Variants in PKHD1L1 observed in about 807,000 individuals in gnomAD.
PKHD1L1 encodes fibrocystin-L.
A neutral mutation model predicts 462.9 loss-of-function variants in PKHD1L1; 434 were observed. The observed-to-expected ratio is 0.94, with a 90% CI of 0.87 to 1.02. The LOEUF (loss-of-function observed/expected upper bound fraction) is 1.02, where lower values mean the gene tolerates loss of function less well. PKHD1L1 is among the 50% of genes least tolerant of loss of function. PKHD1L1 has a pLI of 0.00. For synonymous variants in PKHD1L1, 1,781 were observed against 1,750.0 expected, an observed-to-expected ratio of 1.02 and a Z score of -0.44; for missense variants, 5,202 against 5,096.1, an observed-to-expected ratio of 1.02 and a Z score of -0.63.
intron 2 of PKHD1L1, among the ~76,000 whole-genome samples, chr8:109,366,638 G>A (rs1318686142): frequency 1.3e-5 from 2 of 151,552 alleles, no homozygotes; most frequent in African/African-American, 4.8e-5. Flanking sequence ...AAATAGAGCA[G>A]GAGGAAACTT....
chr8:109,438,478 T>C (rs976654004), intron 31 of PKHD1L1, 22 bp downstream of exon 31: 1 of 1,525,092 alleles, frequency 6.6e-7, no homozygotes, highest in Non-Finnish European at 8.8e-7. Context: ...TTCAATAAGA[T>C]TGGTCATTTG....
At chr8:109,425,752 T>A (rs774667093) in intron 24 of PKHD1L1, among the ~76,000 whole-genome samples, 1 of 152,098 alleles carries the variant, frequency 6.6e-6, no homozygotes, top group Non-Finnish European at 1.5e-5. Context: ...TTAAAAGTCA[T>A]CTATAATTGA....
At position 109,448,234 on chromosome 8, in the gene PKHD1L1, T is replaced by C. The variant is rs748370742; in HGVS notation, c.5868T>C (p.Asn1956=). 1.2e-6 allele frequency: 2 copies of C among 1,613,502 alleles called. No homozygotes were observed. Among genetic ancestry groups the C allele is most frequent in the Non-Finnish European group, 1.7e-6 (2 of 1,179,802 alleles). The change falls in exon 39 of 78, where the codon AAT becomes AAC. Residue 1956 remains asparagine (N), a synonymous_variant. Coordinates refer to ENST00000378402, the MANE Select transcript of PKHD1L1 (RefSeq NM_177531.6). ...TGATGATAAATAACATTCAGTGTAATGTAACCATGGCCAATGATAGTGTGG... is the reference window on the plus strand; with the variant it reads ...TGATGATAAATAACATTCAGTGTAACGTAACCATGGCCAATGATAGTGTGG... ...ISVMINNIQC[N]VTMANDSVVQ... is the part of the protein sequence containing the mutation.
chr8:109,475,006 C>G, intron 50 of PKHD1L1, 112 bp from the exon 51 acceptor site: 1 of 922,888 alleles, frequency 1.1e-6, no homozygotes, highest in Non-Finnish European at 1.6e-6. Flanking sequence ...TTTGCTAAAC[C>G]AACATTTGCT....
At position 109,504,111 on chromosome 8, in the gene PKHD1L1, C is replaced by T. The variant is rs1315709703; in HGVS notation, c.10829-216C>T. On this transcript the variant is annotated intron_variant, in intron 67 of 77. Coordinates refer to ENST00000378402, the MANE Select transcript of PKHD1L1 (RefSeq NM_177531.6). Reference sequence around the variant, plus strand: ...GCCAAACCAAGTTACATGGCCAAGCCCGGAGAAAATATGGGAGATCATTAC... The same window carrying T: ...GCCAAACCAAGTTACATGGCCAAGCTCGGAGAAAATATGGGAGATCATTAC... Among the ~76,000 whole-genome samples, 3 of 152,064 alleles carry T rather than the reference C, an allele frequency of 2.0e-5. No individual in the cohort carries two copies. The East Asian group carries it at 5.8e-4, about 29-fold the overall frequency.
intron 27 of PKHD1L1, among the ~76,000 whole-genome samples, chr8:109,430,641 G>A (rs1335604506): frequency 6.6e-6 from 1 of 151,930 alleles, no homozygotes; most frequent in Non-Finnish European, 1.5e-5. Flanking sequence ...CAGGAATCAG[G>A]ATAGTAAGGG....
Position 109,522,856 on chromosome 8 carries a change from C to T in PKHD1L1, c.12296C>T (p.Pro4099Leu). ...PVAAQPGQPF[P>L]QQPSVKATDS... ...GCAGCACAGCCAGGACAGCCATTTC[C>T]TCAGCAGCCTTCGGTAAAGGCAACA... Residue 4099 changes from proline (P) to leucine (L), a missense_variant, in exon 75 of 78, where the codon CCT (proline) becomes CTT (leucine). Pro to Leu is a moderately conservative substitution (Grantham distance 98). Transcript: ENST00000378402. 1 of 1,610,744 alleles carries T rather than the reference C, an allele frequency of 6.2e-7. No individual in the cohort carries two copies. The highest frequency in any genetic ancestry group is 8.5e-7 in the Non-Finnish European group (1 of 1,178,826).
chr8:109,454,018 T>A (rs1816681729), intron 43 of PKHD1L1, 149 bp from the exon 44 acceptor site: 1 of 465,634 alleles, frequency 2.1e-6, no homozygotes, highest in Non-Finnish European at 3.8e-6. Context: ...TGAAGTTATA[T>A]GCATAACAAC....
At chr8:109,483,790 T>A (rs796208507) in intron 57 of PKHD1L1, among the ~76,000 whole-genome samples, 7 of 151,828 alleles carry the variant, frequency 4.6e-5, no homozygotes, top group African/African-American at 1.4e-4. Flanking sequence ...TGATTTTACA[T>A]GTTAAGAATT....
chr8:109,370,566 G>T (rs550374152), intron 2 of PKHD1L1, among the ~76,000 whole-genome samples: 1 of 151,694 alleles, frequency 6.6e-6, no homozygotes, highest in East Asian at 1.9e-4. Context: ...GTGCAGGTTT[G>T]TTACATATGT....
chr8:109,511,634 G>A (rs1819989684), intron 71 of PKHD1L1, among the ~76,000 whole-genome samples: 1 of 151,880 alleles, frequency 6.6e-6, no homozygotes, highest in Non-Finnish European at 1.5e-5. Context: ...TTGCTATTGT[G>A]AATAGTGCCA....
At chr8:109,511,720 T>C (rs1387849967) in intron 71 of PKHD1L1, among the ~76,000 whole-genome samples, 2 of 152,188 alleles carry the variant, frequency 1.3e-5, no homozygotes, top group African/African-American at 4.8e-5. Context: ...AGTAATGGGA[T>C]GGCTGGGTCA....
chr8:109,448,530 G>C, intron 39 of PKHD1L1, 139 bp downstream of exon 39: 2 of 909,002 alleles, frequency 2.2e-6, no homozygotes, highest in South Asian at 4.1e-5. Flanking sequence ...TTTTTTTTTT[G>C]AGACAGAGTC....
At position 109,452,768 on chromosome 8, in the gene PKHD1L1, G is replaced by C; in HGVS notation, c.6558G>C (p.Trp2186Cys). ...YVDAWSSNFS[W>C]GGKSPPEEGS... ...ATGCCTGGTCCTCCAATTTCTCATG[G>C]GGGGGAAAATCTCCCCCAGAAGAAG... Residue 2186 changes from tryptophan (W) to cysteine (C), a missense_variant, in exon 43 of 78, where the codon TGG becomes TGC. Transcript: ENST00000378402. The C allele has an allele frequency of 4.6e-6, 7 of 1,538,080 alleles. No individual in the cohort carries two copies. The highest frequency in any genetic ancestry group is 2.1e-5 in the Admixed American group (1 of 47,400).
intron 2 of PKHD1L1, among the ~76,000 whole-genome samples, chr8:109,380,184 T>C (rs1046422038): frequency 1.3e-5 from 2 of 149,730 alleles, no homozygotes; most frequent in Admixed American, 6.6e-5. Context: ...AACCCTCTTG[T>C]ATTAAATCTT....
intron 40 of PKHD1L1, among the ~76,000 whole-genome samples, chr8:109,449,868 C>T (rs1156448969): frequency 2.0e-5 from 3 of 152,144 alleles, no homozygotes; most frequent in Non-Finnish European, 4.4e-5. Context: ...TCAAACCCTA[C>T]TTGTGTCACT....
At chr8:109,472,143 A>G (rs1268515626) in intron 50 of PKHD1L1, among the ~76,000 whole-genome samples, 2 of 152,114 alleles carry the variant, frequency 1.3e-5, no homozygotes, top group African/African-American at 4.8e-5. Context: ...GGTACATCAT[A>G]TTGTAGTTTA....
At chr8:109,392,424 T>C (rs1812754351) in intron 9 of PKHD1L1, among the ~76,000 whole-genome samples, 1 of 152,072 alleles carries the variant, frequency 6.6e-6, no homozygotes, top group African/African-American at 2.4e-5. Context: ...TGCCAGGAAA[T>C]TCACATATAA....
intron 30 of PKHD1L1, 75 bp downstream of exon 30, chr8:109,436,534 C>T (rs548956800): frequency 2.7e-5 from 43 of 1,564,970 alleles, no homozygotes; most frequent in African/African-American, 5.5e-5. Context: ...CTCAGTGGGG[C>T]GGGGGGTGAA....
Sources: gnomAD v4.1 joint callset for allele counts (sites outside exome capture counted in the v4.1 genomes callset) on GRCh38, gnomAD v4.1.1 for gene constraint, MANE v1.5 for transcripts, NCBI Gene and HGNC (gene_info 2026-07-23, HGNC 2026-07-21) for gene names.